The following PDCL2 variants were observed in gnomAD, a reference collection of about 807,000 sequenced individuals.
The protein encoded by PDCL2 is phosducin-like protein 2.
Under a neutral mutation model 30.3 loss-of-function variants are expected in PDCL2, and 23 were observed. That is an observed-to-expected ratio of 0.76 (90% confidence interval 0.55 to 1.08). The LOEUF (loss-of-function observed/expected upper bound fraction) is 1.08. Among genes scored for constraint, PDCL2 ranks in the 50% least tolerant of loss-of-function variants. The probability of loss-of-function intolerance (pLI) is 0.00; values close to 1 mark genes in which losing one functional copy is unlikely to be tolerated. For missense variants in PDCL2, 243 were observed against 282.3 expected, an observed-to-expected ratio of 0.86 and a Z score of 1.00; for synonymous variants, 68 against 86.2, an observed-to-expected ratio of 0.79 and a Z score of 1.17.
intron 5 of PDCL2, among the ~76,000 whole-genome samples, chr4:55,560,010 T>C (rs1488397669): frequency 6.6e-6 from 1 of 152,132 alleles, no homozygotes; most frequent in Non-Finnish European, 1.5e-5. Context: ...GTACAGAGTT[T>C]GTTATGTAAG....
intron 5 of PDCL2, 116 bp from the exon 6 acceptor site, chr4:55,556,827 A>G: frequency 1.1e-6 from 1 of 899,438 alleles, no homozygotes; most frequent in Non-Finnish European, 1.5e-6. Flanking sequence ...TGATATATTT[A>G]TTTATAGGTT....
intron 5 of PDCL2, among the ~76,000 whole-genome samples, chr4:55,557,762 A>C (rs761178377): frequency 9.9e-5 from 15 of 152,032 alleles, no homozygotes; most frequent in Non-Finnish European, 1.8e-4. Context: ...GTAAGACTCA[A>C]GACACAATTT....
rs192191525 is a variant in PDCL2 at position 55,569,855 on chromosome 4, C to T, written c.225G>A (p.Lys75=). The T allele has an allele frequency of 2.0e-6, 3 of 1,508,354 alleles. No individual in the cohort carries two copies. The highest frequency in any genetic ancestry group is 4.7e-5 in the East Asian group (2 of 42,788). The allele number at this position is 1,508,354 out of a possible 1,614,324, so 93.4% of individuals were successfully genotyped here. A position where few individuals can be genotyped will look rare whatever the true frequency, so the allele number is the denominator to read the frequency against. ...TAAGAGCTTTCCATTCCTGTAACCG[C>T]TTCTTTCTAATTAAAACATGAAATT... ...DMQAVETYRK[K]RLQEWKALKK... Residue 75 remains lysine (K), a synonymous_variant, in exon 4 of 6, where the codon AAG becomes AAA. Coordinates refer to ENST00000295645, the MANE Select transcript of PDCL2 (RefSeq NM_152401.3).
chr4:55,582,044 G>A (rs1294619498), intron 2 of PDCL2, 73 bp downstream of exon 2: 1 of 1,566,486 alleles, frequency 6.4e-7, no homozygotes, highest in Non-Finnish European at 8.7e-7. Flanking sequence ...CTCCCACTAT[G>A]TTCATGAAAT....
At chr4:55,591,561 A>G (rs1406270461) in intron 1 of PDCL2, among the ~76,000 whole-genome samples, 2 of 152,068 alleles carry the variant, frequency 1.3e-5, no homozygotes, top group East Asian at 1.9e-4. Flanking sequence ...TAATTTTTGT[A>G]TTTTTAGTAG....
At chr4:55,578,190 G>A (rs1577914488) in intron 3 of PDCL2, among the ~76,000 whole-genome samples, 1 of 152,170 alleles carries the variant, frequency 6.6e-6, no homozygotes, top group African/African-American at 2.4e-5. Context: ...AGCTGCCTGA[G>A]CCAGTGGGAG....
At chr4:55,586,422 G>T (rs1732866413) in intron 1 of PDCL2, among the ~76,000 whole-genome samples, 1 of 152,094 alleles carries the variant, frequency 6.6e-6, no homozygotes, top group Non-Finnish European at 1.5e-5. Context: ...CATGCAGGTG[G>T]AACCATACAA....
chr4:55,572,983 C>A (rs952076737), intron 3 of PDCL2, among the ~76,000 whole-genome samples: 2 of 152,162 alleles, frequency 1.3e-5, no homozygotes, highest in Admixed American at 6.5e-5. Context: ...TGGTCTCGAT[C>A]TCCTGACCTT....
At chr4:55,561,187 G>A (rs1732123627) in intron 5 of PDCL2, among the ~76,000 whole-genome samples, 1 of 151,852 alleles carries the variant, frequency 6.6e-6, no homozygotes, top group Non-Finnish European at 1.5e-5. Flanking sequence ...AGAAAAATGG[G>A]AAAATTCTGA....
At chr4:55,584,477 G>A (rs1031049184) in intron 1 of PDCL2, among the ~76,000 whole-genome samples, 2 of 152,002 alleles carry the variant, frequency 1.3e-5, no homozygotes, top group Non-Finnish European at 2.9e-5. Flanking sequence ...GGCTGGTCTC[G>A]AACTCCTGGC....
At chr4:55,591,966 C>G in intron 1 of PDCL2, 138 bp downstream of exon 1, 3 of 1,226,640 alleles carry the variant, frequency 2.4e-6, no homozygotes, top group Non-Finnish European at 3.4e-6. Flanking sequence ...GAGAAGCACG[C>G]AAAATTTAGC....
At chr4:55,579,088 T>C (rs1486514585) in intron 3 of PDCL2, among the ~76,000 whole-genome samples, 1 of 152,172 alleles carries the variant, frequency 6.6e-6, no homozygotes, top group Non-Finnish European at 1.5e-5. Flanking sequence ...CATTATTTGC[T>C]TTACAATCCT....
chr4:55,588,520 G>A (rs143972269), intron 1 of PDCL2, among the ~76,000 whole-genome samples: 230 of 152,182 alleles, frequency 1.5e-3, no homozygotes, highest in African/African-American at 5.3e-3. Flanking sequence ...GATGTCTCCC[G>A]AAATGCAAGC....
chr4:55,568,149 A>G (rs528091895), intron 4 of PDCL2, among the ~76,000 whole-genome samples: 7 of 152,308 alleles, frequency 4.6e-5, no homozygotes, highest in Admixed American at 4.6e-4. Context: ...AGATAAAAAC[A>G]TTTATTATTC....
intron 3 of PDCL2, among the ~76,000 whole-genome samples, chr4:55,573,427 C>T (rs1390799323): frequency 1.3e-5 from 2 of 152,116 alleles, no homozygotes; most frequent in Non-Finnish European, 2.9e-5. Flanking sequence ...TCCGAAGGTA[C>T]TGGCTAGGAC....
intron 5 of PDCL2, among the ~76,000 whole-genome samples, chr4:55,558,035 C>T (rs939934891): frequency 1.1e-4 from 17 of 149,964 alleles, no homozygotes; most frequent in Admixed American, 3.3e-4. Flanking sequence ...GCAGGAGAAT[C>T]GCTTGAACCC....
intron 2 of PDCL2, among the ~76,000 whole-genome samples, chr4:55,581,700 A>G (rs1308613589): frequency 6.6e-6 from 1 of 151,958 alleles, no homozygotes; most frequent in African/African-American, 2.4e-5. Context: ...TTAAATGTTT[A>G]TTTGTTTTGT....
intron 3 of PDCL2, among the ~76,000 whole-genome samples, chr4:55,572,837 G>C (rs1369836078): frequency 7.2e-5 from 11 of 151,974 alleles, no homozygotes. Context: ...TCGGCTCACT[G>C]TAAGCTCCGC....
intron 4 of PDCL2, among the ~76,000 whole-genome samples, chr4:55,567,227 C>T (rs563860973): frequency 1.3e-5 from 2 of 152,222 alleles, no homozygotes; most frequent in South Asian, 2.1e-4. Context: ...TTTACCCCCA[C>T]GGAGTCATTA....
Sources: allele counts gnomAD v4.1 joint callset (sites outside exome capture counted in the v4.1 genomes callset), GRCh38; gene constraint gnomAD v4.1.1; transcripts MANE v1.5; gene names NCBI Gene and HGNC (gene_info 2026-07-23, HGNC 2026-07-21).